Variants in ANO3 observed in about 807,000 individuals in gnomAD.
The protein encoded by ANO3 is anoctamin-3.
In ANO3, 99 loss-of-function variants were observed where a neutral mutation model predicts 144.8. The ratio of observed to expected loss-of-function variants is 0.68; its 90% CI spans 0.58 to 0.81. The LOEUF (loss-of-function observed/expected upper bound fraction) is 0.81, where lower values mean the gene tolerates loss of function less well. ANO3 is among the 30% of genes least tolerant of loss of function. The pLI, the probability that ANO3 is intolerant of heterozygous loss-of-function variation, is 0.00. For synonymous variants in ANO3, 414 were observed against 392.6 expected, an observed-to-expected ratio of 1.05 and a Z score of -0.64; for missense variants, 905 against 1,202.2, an observed-to-expected ratio of 0.75 and a Z score of 3.66.
At chr11:26,385,893 G>GTTTATATATATATATA (rs1183332896) in intron 1 of ANO3, among the ~76,000 whole-genome samples, 16 of 143,692 alleles carry the variant, frequency 1.1e-4, no homozygotes, top group South Asian at 2.1e-4. Flanking sequence ...CTTTGTGTGT[G>GTTTATATATATATATA]TATATATATT....
chr11:26,217,292 A>G (rs111585495), intron 1 of ANO3, among the ~76,000 whole-genome samples: 2 of 152,130 alleles, frequency 1.3e-5, no homozygotes, highest in African/African-American at 4.8e-5. Flanking sequence ...TCCAGCAGGG[A>G]TTGGATGCAA....
intron 10 of ANO3, among the ~76,000 whole-genome samples, chr11:26,541,191 A>G (rs1052542113): frequency 6.6e-6 from 1 of 152,164 alleles, no homozygotes; most frequent in Non-Finnish European, 1.5e-5. Context: ...AAACTAACAC[A>G]GGAACGGAAA....
At chr11:26,404,933 A>ATATGTGTGTG (rs1224434117) in intron 1 of ANO3, among the ~76,000 whole-genome samples, 1 of 146,174 alleles carries the variant, frequency 6.8e-6, no homozygotes, top group African/African-American at 2.6e-5. Context: ...ATTTATATAT[A>ATATGTGTGTG]TGTGTGTGTG....
At chr11:26,439,624 A>G (rs1590360113) in intron 1 of ANO3, among the ~76,000 whole-genome samples, 1 of 152,364 alleles carries the variant, frequency 6.6e-6, no homozygotes, top group East Asian at 1.9e-4. Flanking sequence ...GTATATGATT[A>G]TATATCAATA....
upstream of ANO3, among the ~76,000 whole-genome samples, chr11:26,329,658 C>T (rs3824857): frequency 4.6e-5 from 7 of 151,968 alleles, no homozygotes; most frequent in Non-Finnish European, 1.0e-4. Context: ...GGTTCAAAAT[C>T]TCAACTCATT....
At chr11:26,356,405 C>G (rs1043835404) in intron 1 of ANO3, among the ~76,000 whole-genome samples, 1 of 152,078 alleles carries the variant, frequency 6.6e-6, no homozygotes, top group Admixed American at 6.5e-5. Context: ...TCTGTCCCTC[C>G]CTCTCTCTTA....
chr11:26,437,852 A>T (rs868633515), intron 1 of ANO3, among the ~76,000 whole-genome samples: 12 of 356 alleles, frequency 0.034, no homozygotes, highest in Middle Eastern at 0.5. Context: ...AATCCTAATA[A>T]AAATATTGGG....
Position 26,547,492 on chromosome 11 carries a change from A to G in ANO3, c.1231A>G (p.Ile411Val), listed in dbSNP as rs767864233. 108 of 1,611,950 alleles carry G rather than the reference A, an allele frequency of 6.7e-5. No homozygotes were observed. In the Admixed American group the frequency reaches 1.7e-3, roughly 25 times the overall value. Residue 411 changes from isoleucine (I) to valine (V), a missense_variant, in exon 12 of 27, where the codon ATT (isoleucine) becomes GTT (valine). By Grantham distance (29) the Ile-to-Val change is conservative. Transcript: ENST00000256737. ...WYTGMLIPAA[I>V]VGLCVFFYGL... ...TACTGGAATGTTGATTCCTGCAGCA[A>G]TTGTTGGTTTGTGCGTTTTCTTCTA...
chr11:26,523,037 G>A (rs903883958), intron 6 of ANO3, among the ~76,000 whole-genome samples: 1 of 152,152 alleles, frequency 6.6e-6, no homozygotes, highest in Non-Finnish European at 1.5e-5. Flanking sequence ...CTGCATGGCT[G>A]GAAAGGCCTT....
chr11:26,296,964 CATT>C (rs1454901975), intron 1 of ANO3, among the ~76,000 whole-genome samples: 2 of 152,108 alleles, frequency 1.3e-5, no homozygotes, highest in Non-Finnish European at 2.9e-5. Flanking sequence ...TCCAGTCAAT[CATT>C]ATTAAAAATA....
At chr11:26,498,744 C>G (rs1336814842) in intron 4 of ANO3, among the ~76,000 whole-genome samples, 1 of 151,634 alleles carries the variant, frequency 6.6e-6, no homozygotes, top group Admixed American at 6.6e-5. Flanking sequence ...CAATTAGTCT[C>G]AACAGAACGA....
intron 17 of ANO3, among the ~76,000 whole-genome samples, chr11:26,616,696 A>C (rs1381015794): frequency 6.6e-6 from 1 of 152,238 alleles, no homozygotes; most frequent in African/African-American, 2.4e-5. Flanking sequence ...TTGTCAGACC[A>C]AGCTCATAAT....
chr11:26,417,215 A>C (rs539203524), intron 1 of ANO3, among the ~76,000 whole-genome samples: 1 of 152,140 alleles, frequency 6.6e-6, no homozygotes, highest in Admixed American at 6.6e-5. Context: ...AAATGGTACT[A>C]CATCTATAAC....
At chr11:26,445,060 T>A (rs1858655091) in intron 3 of ANO3, among the ~76,000 whole-genome samples, 2 of 152,128 alleles carry the variant, frequency 1.3e-5, no homozygotes, top group African/African-American at 4.8e-5. Flanking sequence ...AGATTTCAAT[T>A]TTTTTGATTT....
chr11:26,212,770 C>T (rs766953890), intron 1 of ANO3, among the ~76,000 whole-genome samples: 1 of 151,322 alleles, frequency 6.6e-6, no homozygotes, highest in Non-Finnish European at 1.5e-5. Flanking sequence ...GGGACTCCTC[C>T]CTCTTTTTAT....
chr11:26,496,018 TAA>T (rs1860923376), intron 4 of ANO3, among the ~76,000 whole-genome samples: 2 of 152,226 alleles, frequency 1.3e-5, no homozygotes, highest in Admixed American at 1.3e-4. Flanking sequence ...CATTTCAAGT[TAA>T]GTTTATTCAA....
intron 13 of ANO3, among the ~76,000 whole-genome samples, chr11:26,555,182 A>G (rs1296443953): frequency 1.3e-5 from 2 of 152,230 alleles, no homozygotes; most frequent in Non-Finnish European, 2.9e-5. Context: ...TAAAGATGAT[A>G]GAGACTTAGA....
At chr11:26,419,377 T>C (rs752878180) in intron 1 of ANO3, among the ~76,000 whole-genome samples, 4 of 152,150 alleles carry the variant, frequency 2.6e-5, no homozygotes, top group Non-Finnish European at 1.5e-5. Flanking sequence ...CTTATTCTGT[T>C]TCTGATTTTC....
intron 14 of ANO3, among the ~76,000 whole-genome samples, chr11:26,597,841 A>G (rs942129047): frequency 6.6e-6 from 1 of 152,184 alleles, no homozygotes; most frequent in Middle Eastern, 3.2e-3. Context: ...TACTTTTTCC[A>G]CTGAGTCCTT....
Sources: gnomAD v4.1 joint callset for allele counts (sites outside exome capture counted in the v4.1 genomes callset) on GRCh38, gnomAD v4.1.1 for gene constraint, MANE v1.5 for transcripts, NCBI Gene and HGNC (gene_info 2026-07-23, HGNC 2026-07-21) for gene names.